Variants in ATG7 observed in about 807,000 individuals in gnomAD.
The protein encoded by ATG7 is ubiquitin-like modifier-activating enzyme ATG7.
Under a neutral mutation model 82.4 loss-of-function variants are expected in ATG7, and 70 were observed. The observed-to-expected ratio is 0.85, with a 90% CI of 0.70 to 1.04. The LOEUF (loss-of-function observed/expected upper bound fraction) is 1.04. ATG7 is among the 50% of genes least tolerant of loss of function. The pLI is 0.00. For missense variants in ATG7, 792 were observed against 864.3 expected (o/e 0.92, Z 1.05); for synonymous variants, 287 against 313.0 (o/e 0.92, Z 0.88).
At chr3:11,439,095 G>A (rs2083636910) in intron 20 of ATG7, among the ~76,000 whole-genome samples, 3 of 116,052 alleles carry the variant, frequency 2.6e-5, no homozygotes, top group South Asian at 2.8e-4. Flanking sequence ...TTGAGACAGA[G>A]TCTCACCCTG....
At chr3:11,318,778 G>T (rs999092516) in intron 9 of ATG7, among the ~76,000 whole-genome samples, 1 of 152,082 alleles carries the variant, frequency 6.6e-6, no homozygotes, top group Admixed American at 6.5e-5. Context: ...TCCAAATGCC[G>T]CAGCTTCCCC....
At chr3:11,510,126 A>AG (rs894469640) in intron 20 of ATG7, 4 of 402,700 alleles carry the variant, frequency 9.9e-6, no homozygotes, top group Non-Finnish European at 2.0e-5. Flanking sequence ...AGAAATTAGA[A>AG]GGAAGGTACG....
At chr3:11,420,613 ATAT>A (rs2081849802) in intron 19 of ATG7, among the ~76,000 whole-genome samples, 1 of 152,176 alleles carries the variant, frequency 6.6e-6, no homozygotes, top group South Asian at 2.1e-4. Context: ...AATGCAGCTA[ATAT>A]TGCAGTAAAT....
At chr3:11,291,184 G>A (rs575360702) in intron 3 of ATG7, among the ~76,000 whole-genome samples, 4 of 152,326 alleles carry the variant, frequency 2.6e-5, no homozygotes, top group Non-Finnish European at 5.9e-5. Flanking sequence ...ACTGACATAT[G>A]TAGGGACTTG....
Position 11,308,902 on chromosome 3 carries a change from T to C in ATG7, c.334-82T>C, listed in dbSNP as rs192782873. 3.2e-5 allele frequency: 42 copies of C among 1,320,166 alleles called. No homozygotes were observed. The Admixed American group carries it at 6.4e-4, about 20-fold the overall frequency. The allele number at this position is 1,320,166 out of a possible 1,614,324, so 81.8% of individuals were successfully genotyped here. A position where few individuals can be genotyped will look rare whatever the true frequency, so the allele number is the denominator to read the frequency against. On this transcript the variant is annotated intron_variant, in intron 6 of 20. Transcript: ENST00000693202. ...CCTGTAGGAAAGAAGAGCCTGGTGCTTTTCAGCTCCACACTTCACCTGAGA... is the reference window on the plus strand; with the variant it reads ...CCTGTAGGAAAGAAGAGCCTGGTGCCTTTCAGCTCCACACTTCACCTGAGA...
intron 11 of ATG7, among the ~76,000 whole-genome samples, chr3:11,336,605 A>G (rs1048792732): frequency 4.6e-5 from 7 of 152,220 alleles, no homozygotes; most frequent in East Asian, 1.9e-4. Flanking sequence ...GTACTTTTCA[A>G]TACTTCTAAG....
intron 5 of ATG7, among the ~76,000 whole-genome samples, chr3:11,302,457 T>C (rs1309031119): frequency 4.6e-5 from 7 of 152,204 alleles, no homozygotes; most frequent in Admixed American, 1.3e-4. Context: ...AGAGAAAGTC[T>C]TTATGAATTT....
chr3:11,440,674 CTTTTTTTTTT>C (rs72177700), intron 20 of ATG7, among the ~76,000 whole-genome samples: 2 of 39,484 alleles, frequency 5.1e-5, no homozygotes, highest in African/African-American at 1.1e-4. Context: ...TCCCCATTTG[CTTTTTTTTTT>C]TTTTTTTTTT....
At chr3:11,472,035 C>A (rs1048263293) in intron 20 of ATG7, among the ~76,000 whole-genome samples, 1 of 151,954 alleles carries the variant, frequency 6.6e-6, no homozygotes, top group Non-Finnish European at 1.5e-5. Flanking sequence ...CCACACCTAG[C>A]CTTTTTCAGA....
intron 19 of ATG7, among the ~76,000 whole-genome samples, chr3:11,422,107 G>A (rs1315036998): frequency 6.6e-6 from 1 of 152,176 alleles, no homozygotes; most frequent in East Asian, 1.9e-4. Context: ...TTTTAGAATG[G>A]TCAGTAAGCA....
intron 19 of ATG7, among the ~76,000 whole-genome samples, chr3:11,389,233 A>C (rs111574991): frequency 9.6e-4 from 30 of 31,190 alleles, no homozygotes; most frequent in Non-Finnish European, 1.2e-3. Context: ...ACCCTGTCTC[A>C]AAAAAAAAAA....
chr3:11,565,957 CT>C, the ATG7 span, among the ~76,000 whole-genome samples: 29 of 152,260 alleles, frequency 1.9e-4, no homozygotes, highest in East Asian at 5.4e-3. This position sits in a 1 kb window ranked among gnomAD's most constrained non-coding sequence, Gnocchi z 4.1. Flanking sequence ...ACAGAGTAAC[CT>C]TTTTCCGTAA....
intron 20 of ATG7, among the ~76,000 whole-genome samples, chr3:11,552,947 G>GC (rs59454488): frequency 0.014 from 2,181 of 152,288 alleles, 45 homozygotes; most frequent in African/African-American, 0.047. Flanking sequence ...ATAAAGCCCA[G>GC]CCCCGGCCCA....
chr3:11,559,250 G>A, downstream of ATG7: 1 of 1,456,724 alleles, frequency 6.9e-7, no homozygotes, highest in Middle Eastern at 1.8e-4. Flanking sequence ...AGGGGCGAGA[G>A]GTTTCAGCCA....
chr3:11,299,295 AGCATTTTTGTTATGAAC>A, intron 4 of ATG7, 50 bp from the exon 5 acceptor site: 1 of 1,483,416 alleles, frequency 6.7e-7, no homozygotes, highest in South Asian at 1.1e-5. Flanking sequence ...ACTATTCATA[AGCATTTTTGTTATGAAC>A]GCTGCTATTT....
At chr3:11,537,564 T>G (rs1052836037) in intron 20 of ATG7, among the ~76,000 whole-genome samples, 1 of 152,182 alleles carries the variant, frequency 6.6e-6, no homozygotes, top group African/African-American at 2.4e-5. Context: ...CAGTTCCCAT[T>G]TTCTCTCAAA....
intron 20 of ATG7, among the ~76,000 whole-genome samples, chr3:11,474,637 T>C (rs914088446): frequency 5.9e-5 from 9 of 152,094 alleles, no homozygotes; most frequent in African/African-American, 2.2e-4. Flanking sequence ...ACAGAGTGTT[T>C]GGATGAATTG....
intron 19 of ATG7, among the ~76,000 whole-genome samples, chr3:11,406,314 G>GT (rs372304104): frequency 1.3e-5 from 2 of 151,872 alleles, no homozygotes; most frequent in Admixed American, 6.6e-5. Context: ...CTATTGCCAT[G>GT]TTTTTTTGAG....
intron 20 of ATG7, among the ~76,000 whole-genome samples, chr3:11,535,827 G>A (rs1011508620): frequency 6.6e-6 from 1 of 152,178 alleles, no homozygotes; most frequent in Non-Finnish European, 1.5e-5. Context: ...TGCCAGCTTC[G>A]CACCCTTGCT....
Sources: allele counts gnomAD v4.1 joint callset (sites outside exome capture counted in the v4.1 genomes callset), GRCh38; gene constraint gnomAD v4.1.1; non-coding constraint Gnocchi (gnomAD v3.1); transcripts MANE v1.5; gene names NCBI Gene and HGNC (gene_info 2026-07-23, HGNC 2026-07-21).